LHPP: variants seen among roughly 807,000 people sequenced by gnomAD.
LHPP encodes phospholysine phosphohistidine inorganic pyrophosphate phosphatase.
Under a neutral mutation model 30.3 loss-of-function variants are expected in LHPP, and 24 were observed. That is an observed-to-expected ratio of 0.79 (90% CI 0.57 to 1.11). The LOEUF (loss-of-function observed/expected upper bound fraction) is 1.11, where lower values mean the gene tolerates loss of function less well. LHPP is among the 50% of genes most tolerant of loss of function. The pLI is 0.00. For synonymous variants in LHPP, 150 were observed against 157.1 expected (o/e 0.95, Z 0.34); for missense variants, 356 against 367.2 (o/e 0.97, Z 0.25).
At chr10:124,540,498 A>G (rs1369993943) in intron 6 of LHPP, among the ~76,000 whole-genome samples, 1 of 151,976 alleles carries the variant, frequency 6.6e-6, no homozygotes, top group Non-Finnish European at 1.5e-5. Context: ...AGCGCCCTTC[A>G]CCCTGAGGCA....
intron 1 of LHPP, among the ~76,000 whole-genome samples, chr10:124,476,990 G>A (rs1012251310): frequency 2.0e-5 from 3 of 152,172 alleles, no homozygotes; most frequent in Non-Finnish European, 4.4e-5. Context: ...GGCGGATCAC[G>A]AGGTCAGGAG....
chr10:124,610,984 T>C (rs1949186984), intron 6 of LHPP, among the ~76,000 whole-genome samples: 1 of 30,772 alleles, frequency 3.2e-5, no homozygotes, highest in Non-Finnish European at 6.7e-5. Flanking sequence ...AGGGTGCTGG[T>C]GGAGCGGGTG....
intron 6 of LHPP, among the ~76,000 whole-genome samples, chr10:124,597,890 A>G (rs1948970258): frequency 6.6e-6 from 1 of 152,214 alleles, no homozygotes; most frequent in South Asian, 2.1e-4. Flanking sequence ...TATCAAGCAC[A>G]GCTGCAAGAG....
chr10:124,495,904 T>G (rs971129620), intron 3 of LHPP, among the ~76,000 whole-genome samples: 1 of 152,160 alleles, frequency 6.6e-6, no homozygotes, highest in Non-Finnish European at 1.5e-5. Flanking sequence ...TTTTACAGAT[T>G]AGGAAACTGA....
At chr10:124,466,737 G>A (rs1237810251) in intron 1 of LHPP, among the ~76,000 whole-genome samples, 2 of 152,036 alleles carry the variant, frequency 1.3e-5, no homozygotes, top group Non-Finnish European at 2.9e-5. Flanking sequence ...GATTACAGGT[G>A]TGAGCCACCG....
At chr10:124,595,651 C>T (rs939579302) in intron 6 of LHPP, among the ~76,000 whole-genome samples, 1 of 152,122 alleles carries the variant, frequency 6.6e-6, no homozygotes, top group Non-Finnish European at 1.5e-5. Flanking sequence ...TTCTTCCTTA[C>T]TGTGGTTTCT....
At chr10:124,594,180 A>G (rs113450745) in intron 6 of LHPP, among the ~76,000 whole-genome samples, 1,701 of 152,112 alleles carry the variant, frequency 0.011, 37 homozygotes, top group African/African-American at 0.039. Flanking sequence ...ATACAAAAAA[A>G]CTAGCTGGGC....
At chr10:124,588,938 T>C (rs368231576) in intron 6 of LHPP, among the ~76,000 whole-genome samples, 9 of 152,326 alleles carry the variant, frequency 5.9e-5, no homozygotes, top group South Asian at 2.1e-4. Flanking sequence ...GACGTCAGTT[T>C]CTTGACCAGC....
At chr10:124,500,634 G>C (rs1953870237) in intron 5 of LHPP, among the ~76,000 whole-genome samples, 2 of 151,346 alleles carry the variant, frequency 1.3e-5, no homozygotes, top group African/African-American at 4.9e-5. Context: ...ATGGCCAACA[G>C]GCATACAAAA....
chr10:124,568,436 G>A (rs1209542495), intron 6 of LHPP, among the ~76,000 whole-genome samples: 6 of 152,152 alleles, frequency 3.9e-5, no homozygotes, highest in Non-Finnish European at 7.3e-5. Context: ...AGTTTTGTTC[G>A]CTCCTTTGCT....
chr10:124,542,553 G>C (rs1955223646), intron 6 of LHPP, among the ~76,000 whole-genome samples: 1 of 152,172 alleles, frequency 6.6e-6, no homozygotes, highest in African/African-American at 2.4e-5. Context: ...CTCCAGTTCA[G>C]CCTGCAGCTC....
intron 6 of LHPP, among the ~76,000 whole-genome samples, chr10:124,605,820 C>T (rs1450885864): frequency 1.8e-5 from 1 of 55,058 alleles, no homozygotes; most frequent in African/African-American, 6.9e-5. Flanking sequence ...GGAGAGGGGG[C>T]CAGGCAGGAG....
rs572276021 is a variant in LHPP, at chr10:124,479,339, C to G, written c.126-4800C>G. On this transcript the variant is annotated intron_variant, in intron 1 of 6. Transcript: ENST00000368842. ...GCCTTGCTGGGGTCCTGGAGCCGCA[C>G]CTGACTAGGGCTTTCCTGATATTTT... Among the ~76,000 whole-genome samples, 14 of 152,338 alleles carry G rather than the reference C, an allele frequency of 9.2e-5. 1 individual carries two copies. The highest frequency in any genetic ancestry group is 7.2e-4 in the Admixed American group (11 of 15,304).
At chr10:124,470,647 G>GTAACAA (rs1200907395) in intron 1 of LHPP, among the ~76,000 whole-genome samples, 2 of 75,496 alleles carry the variant, frequency 2.6e-5, no homozygotes, top group African/African-American at 1.3e-4. Flanking sequence ...AGCAGCAATA[G>GTAACAA]TAACAACAAC....
chr10:124,605,072 T>A (rs1949074319), intron 6 of LHPP: 1 of 152,536 alleles, frequency 6.6e-6, no homozygotes, highest in Non-Finnish European at 1.5e-5. Context: ...ACTGGCCTCA[T>A]GGGGCTCTTT....
chr10:124,464,106 C>T (rs1297293534), intron 1 of LHPP, among the ~76,000 whole-genome samples: 1 of 152,190 alleles, frequency 6.6e-6, no homozygotes, highest in East Asian at 1.9e-4. Context: ...GTGTGAGCCA[C>T]TGTGGCCAGC....
chr10:124,540,025 G>A (rs776119134), intron 6 of LHPP, among the ~76,000 whole-genome samples: 13 of 152,188 alleles, frequency 8.5e-5, no homozygotes, highest in Non-Finnish European at 1.6e-4. Context: ...GCAGTTACCC[G>A]CTTCTGCTCA....
chr10:124,561,775 A>G (rs1948398980), intron 6 of LHPP, among the ~76,000 whole-genome samples: 1 of 151,934 alleles, frequency 6.6e-6, no homozygotes, highest in Non-Finnish European at 1.5e-5. Flanking sequence ...AGGTTTAAAT[A>G]AGACTCAGAG....
chr10:124,564,195 C>T (rs1162995551), intron 6 of LHPP, among the ~76,000 whole-genome samples: 2 of 151,692 alleles, frequency 1.3e-5, no homozygotes, highest in African/African-American at 4.8e-5. Flanking sequence ...GCGATCTTGG[C>T]TCATTGCAAC....
Sources: allele counts gnomAD v4.1 joint callset (sites outside exome capture counted in the v4.1 genomes callset), GRCh38; gene constraint gnomAD v4.1.1; transcripts MANE v1.5; gene names NCBI Gene and HGNC (gene_info 2026-07-23, HGNC 2026-07-21).